The following CNTN6 variants were observed in gnomAD, a reference collection of about 807,000 sequenced individuals.
The protein encoded by CNTN6 is contactin 6.
In CNTN6, 137 loss-of-function variants were observed where a neutral mutation model predicts 122.8. That is an observed-to-expected ratio of 1.12 (90% confidence interval 0.97 to 1.29). The LOEUF (loss-of-function observed/expected upper bound fraction) is 1.29, where lower values mean the gene tolerates loss of function less well. Among genes scored for constraint, CNTN6 ranks in the 50% most tolerant of loss-of-function variants. The pLI is 0.00. For missense variants in CNTN6, 1,634 were observed against 1,223.4 expected, an observed-to-expected ratio of 1.34 and a Z score of -5.01; for synonymous variants, 570 against 426.0, an observed-to-expected ratio of 1.34 and a Z score of -4.16.
At chr3:1,384,794 T>TACACACACACACACACAC (rs201630403) in intron 19 of CNTN6, among the ~76,000 whole-genome samples, 1 of 107,136 alleles carries the variant, frequency 9.3e-6, no homozygotes, top group African/African-American at 3.3e-5. Context: ...TATATATATA[T>TACACACACACACACACAC]ATACACACAC....
intron 4 of CNTN6, among the ~76,000 whole-genome samples, chr3:1,237,042 C>G (rs149010597): frequency 0.011 from 1,649 of 151,882 alleles, 28 homozygotes; most frequent in African/African-American, 0.036. Flanking sequence ...GATCACGCCA[C>G]TGCACTCCAG....
chr3:1,279,338 G>A (rs2125794198), intron 5 of CNTN6, among the ~76,000 whole-genome samples: 1 of 151,322 alleles, frequency 6.6e-6, no homozygotes, highest in Non-Finnish European at 1.5e-5. Flanking sequence ...AGGAGGCAGT[G>A]TGAAAACATC....
At chr3:1,304,518 A>G (rs1420034787) in intron 7 of CNTN6, among the ~76,000 whole-genome samples, 2 of 152,190 alleles carry the variant, frequency 1.3e-5, no homozygotes, top group African/African-American at 4.8e-5. Flanking sequence ...TTAATCCTCC[A>G]TGTGCAGATG....
chr3:1,352,726 C>T (rs113801581), intron 12 of CNTN6, among the ~76,000 whole-genome samples: 5,183 of 151,836 alleles, frequency 0.034, 120 homozygotes, highest in South Asian at 0.058. Flanking sequence ...TTACATAAGC[C>T]TTAATGTTAG....
chr3:1,286,620 A>G (rs376707854), intron 5 of CNTN6, among the ~76,000 whole-genome samples: 4 of 152,328 alleles, frequency 2.6e-5, no homozygotes, highest in Middle Eastern at 3.4e-3. Context: ...ATAGATAGAC[A>G]TAATATCCAG....
chr3:1,292,051 G>T (rs905148162), intron 5 of CNTN6, among the ~76,000 whole-genome samples: 2 of 151,886 alleles, frequency 1.3e-5, no homozygotes, highest in African/African-American at 2.4e-5. Flanking sequence ...GCTACATCCC[G>T]AGTAGTGTTC....
chr3:1,156,708 CCTT>C (rs147472404), intron 2 of CNTN6, among the ~76,000 whole-genome samples: 16,203 of 149,238 alleles, frequency 0.11, 943 homozygotes, highest in Non-Finnish European at 0.14. Flanking sequence ...TTCCTTCCTT[CCTT>C]CTTCTTTCTT....
chr3:1,316,925 G>T (rs1700172180), intron 7 of CNTN6, among the ~76,000 whole-genome samples: 1 of 151,826 alleles, frequency 6.6e-6, no homozygotes, highest in Non-Finnish European at 1.5e-5. Context: ...AAAAAATTCT[G>T]GGATGAAGTG....
intron 12 of CNTN6, 69 bp downstream of exon 12, chr3:1,352,520 T>C: frequency 6.3e-7 from 1 of 1,576,340 alleles, no homozygotes; most frequent in African/African-American, 1.4e-5. Flanking sequence ...ACTTGTGTTA[T>C]GGTGTCAAAC....
chr3:1,290,684 T>G (rs185267602), intron 5 of CNTN6, among the ~76,000 whole-genome samples: 1 of 152,282 alleles, frequency 6.6e-6, no homozygotes, highest in Admixed American at 6.5e-5. Flanking sequence ...GGGCTGCTGG[T>G]TTTCCATTTT....
At chr3:1,397,731 A>C (rs933383842) in intron 20 of CNTN6, among the ~76,000 whole-genome samples, 1 of 152,098 alleles carries the variant, frequency 6.6e-6, no homozygotes, top group Non-Finnish European at 1.5e-5. Context: ...CTTGACGTTG[A>C]CTGACTAGCA....
At chr3:1,250,308 C>G (rs2094643707) in intron 4 of CNTN6, among the ~76,000 whole-genome samples, 1 of 152,146 alleles carries the variant, frequency 6.6e-6, no homozygotes, top group South Asian at 2.1e-4. Flanking sequence ...TGGCAGATGT[C>G]CTAAAGAAGC....
intron 20 of CNTN6, among the ~76,000 whole-genome samples, chr3:1,386,040 C>A (rs1692853081): frequency 6.6e-6 from 1 of 152,118 alleles, no homozygotes; most frequent in Admixed American, 6.5e-5. Flanking sequence ...GACAGAAGAG[C>A]ATAATGTTTA....
chr3:1,382,272 A>C (rs145155034), intron 17 of CNTN6, among the ~76,000 whole-genome samples: 2 of 152,328 alleles, frequency 1.3e-5, no homozygotes, highest in African/African-American at 4.8e-5. Flanking sequence ...GTATCTGCAG[A>C]GTACAGGGGG....
chr3:1,334,571 T>C (rs1702779816), intron 11 of CNTN6, among the ~76,000 whole-genome samples: 1 of 152,142 alleles, frequency 6.6e-6, no homozygotes, highest in Non-Finnish European at 1.5e-5. Flanking sequence ...TAACTTTATA[T>C]ATGTTTTAAT....
At chr3:1,112,676 C>G (rs1466275156) in intron 1 of CNTN6, among the ~76,000 whole-genome samples, 1 of 152,112 alleles carries the variant, frequency 6.6e-6, no homozygotes, top group Admixed American at 6.6e-5. Flanking sequence ...TGGAAATGTC[C>G]TTGCAGACAC....
At chr3:1,375,474 C>T (rs1356223353) in intron 16 of CNTN6, among the ~76,000 whole-genome samples, 1 of 152,006 alleles carries the variant, frequency 6.6e-6, no homozygotes, top group African/African-American at 2.4e-5. Context: ...GGCTTAAGTA[C>T]AATTAATTTA....
At chr3:1,270,717 C>A (rs998635604) in intron 4 of CNTN6, among the ~76,000 whole-genome samples, 2 of 152,070 alleles carry the variant, frequency 1.3e-5, no homozygotes, top group African/African-American at 4.8e-5. Context: ...TAAAATAAAT[C>A]ATAGAGTTTA....
Position 1,123,732 on chromosome 3 carries a change from A to G in CNTN6, c.-82-24195A>G, listed in dbSNP as rs1360685436. Among the ~76,000 whole-genome samples the G allele has an allele frequency of 3.3e-5, 5 of 152,094 alleles. No individual in the cohort carries two copies. In the East Asian group the frequency reaches 9.7e-4, roughly 30 times the overall value. On this transcript the variant is annotated intron_variant, in intron 1 of 22. Transcript: ENST00000446702. Reference sequence around the variant, plus strand: ...ACTTCCAGTACAGTGTTGAACAGCAATGGTGAAGGAGACTATTCAAGTCTT... The same window carrying G: ...ACTTCCAGTACAGTGTTGAACAGCAGTGGTGAAGGAGACTATTCAAGTCTT...
Sources: allele counts gnomAD v4.1 joint callset (sites outside exome capture counted in the v4.1 genomes callset), GRCh38; gene constraint gnomAD v4.1.1; transcripts MANE v1.5; gene names NCBI Gene and HGNC (gene_info 2026-07-23, HGNC 2026-07-21).